PLD5: variants seen among roughly 807,000 people sequenced by gnomAD.
PLD5 encodes the protein phospholipase D family member 5, also known as inactive phospholipase D5.
A neutral mutation model predicts 61.1 loss-of-function variants in PLD5; 36 were observed. That is an observed-to-expected ratio of 0.59 (90% CI 0.45 to 0.78). The LOEUF (loss-of-function observed/expected upper bound fraction) is 0.78, where lower values mean the gene tolerates loss of function less well. Among genes scored for constraint, PLD5 ranks in the 30% least tolerant of loss-of-function variants. PLD5 has a pLI of 0.00. For synonymous variants in PLD5, 243 were observed against 242.8 expected, an observed-to-expected ratio of 1.00 and a Z score of -0.01; for missense variants, 515 against 644.4, an observed-to-expected ratio of 0.80 and a Z score of 2.17.
chr1:242,515,199 CGTGTGT>C (rs139035471), intron 1 of PLD5, among the ~76,000 whole-genome samples: 3 of 149,046 alleles, frequency 2.0e-5, no homozygotes, highest in Non-Finnish European at 4.5e-5. Context: ...TTTGTGTGTG[CGTGTGT>C]GTGTGTGTGT....
intron 1 of PLD5, among the ~76,000 whole-genome samples, chr1:242,446,326 T>C (rs955011972): frequency 2.0e-5 from 3 of 152,014 alleles, no homozygotes; most frequent in Non-Finnish European, 2.9e-5. Flanking sequence ...TCCCAGCACT[T>C]TGGGAGGCTG....
chr1:242,118,512 C>T (rs1208036743), intron 6 of PLD5, among the ~76,000 whole-genome samples: 2 of 152,232 alleles, frequency 1.3e-5, no homozygotes, highest in African/African-American at 4.8e-5. Context: ...TTGTGTATCT[C>T]TGGCATCTTG....
intron 1 of PLD5, among the ~76,000 whole-genome samples, chr1:242,483,829 T>C (rs1379205043): frequency 1.3e-5 from 2 of 152,198 alleles, no homozygotes; most frequent in East Asian, 3.9e-4. Flanking sequence ...CCTTAGCAAA[T>C]GTAAAAGAAC....
chr1:242,154,087 G>A (rs563975366), intron 5 of PLD5, among the ~76,000 whole-genome samples: 2 of 152,196 alleles, frequency 1.3e-5, no homozygotes, highest in Admixed American at 1.3e-4. Flanking sequence ...TGTATTCCCA[G>A]GTATTTAATT....
At chr1:242,116,881 C>T (rs1396097315) in intron 6 of PLD5, among the ~76,000 whole-genome samples, 5 of 152,106 alleles carry the variant, frequency 3.3e-5, no homozygotes, top group Non-Finnish European at 5.9e-5. Flanking sequence ...GGTAGTCCTA[C>T]ACTCCTCTGT....
Position 242,288,989 on chromosome 1 carries a change from CAAT to C in PLD5, c.327-462_327-460del, listed in dbSNP as rs748731262. 2.6e-3 allele frequency among the ~76,000 whole-genome samples: 389 copies of C among 152,220 alleles called. 1 individual carries two copies. Among genetic ancestry groups the C allele is most frequent in the Non-Finnish European group, 2.9e-3 (195 of 68,008 alleles). On this transcript the variant is annotated intron_variant, in intron 2 of 9. Transcript: ENST00000536534. Reference sequence around the variant, plus strand: ...ACAATGTGGGGCATACATTGGAACTCAATAAATGCAGTAATTATTGCTGAGCAT... The same window carrying C: ...ACAATGTGGGGCATACATTGGAACTCAAATGCAGTAATTATTGCTGAGCAT...
chr1:242,163,260 C>G (rs1458204298), intron 5 of PLD5, among the ~76,000 whole-genome samples: 1 of 151,740 alleles, frequency 6.6e-6, no homozygotes, highest in African/African-American at 2.4e-5. Flanking sequence ...TCTCCTGCCT[C>G]AGCCTCCCGA....
At chr1:242,443,755 A>G (rs558021692) in intron 1 of PLD5, among the ~76,000 whole-genome samples, 1 of 152,200 alleles carries the variant, frequency 6.6e-6, no homozygotes, top group East Asian at 1.9e-4. Context: ...GGCTATCAAC[A>G]TGAACCACAC....
chr1:242,275,500 C>A (rs990830399), intron 3 of PLD5, among the ~76,000 whole-genome samples: 5 of 152,038 alleles, frequency 3.3e-5, no homozygotes, highest in African/African-American at 1.2e-4. Flanking sequence ...TCTCAAATGA[C>A]CTTGGATAAA....
At chr1:242,260,219 C>A (rs1005985027) in intron 4 of PLD5, among the ~76,000 whole-genome samples, 1 of 151,892 alleles carries the variant, frequency 6.6e-6, no homozygotes, top group Non-Finnish European at 1.5e-5. Context: ...TGGTGTCATG[C>A]ACCTATAATC....
At chr1:242,514,279 A>G (rs564288411) in intron 1 of PLD5, among the ~76,000 whole-genome samples, 3 of 152,310 alleles carry the variant, frequency 2.0e-5, no homozygotes, top group African/African-American at 7.2e-5. Context: ...GGCTGTCCAG[A>G]TTCTGCTCAA....
intron 5 of PLD5, among the ~76,000 whole-genome samples, chr1:242,172,664 C>A (rs1459215813): frequency 6.6e-6 from 1 of 151,938 alleles, no homozygotes; most frequent in South Asian, 2.1e-4. Context: ...AGAGAAGAAT[C>A]AAATAGACAC....
At chr1:242,137,094 G>C (rs970435136) in intron 5 of PLD5, among the ~76,000 whole-genome samples, 2 of 152,168 alleles carry the variant, frequency 1.3e-5, no homozygotes, top group Non-Finnish European at 2.9e-5. Flanking sequence ...AAGGAGATAA[G>C]CTACAAATCT....
At chr1:242,090,150 C>T (rs759618191) in intron 9 of PLD5, 40 bp from the exon 10 acceptor site, 1 of 1,607,160 alleles carries the variant, frequency 6.2e-7, no homozygotes, top group South Asian at 1.1e-5. Flanking sequence ...GAGTTAGAGT[C>T]CACTGGGAAC....
At chr1:242,207,884 A>ATTTATATATTTTTATATATATT (rs1558344353) in intron 5 of PLD5, among the ~76,000 whole-genome samples, 1 of 28,622 alleles carries the variant, frequency 3.5e-5, no homozygotes, top group African/African-American at 1.5e-4. Flanking sequence ...ATATTTATAT[A>ATTTATATATTTTTATATATATT]TTTATATATA....
chr1:242,438,290 GTCTC>G (rs1359893146), intron 1 of PLD5, among the ~76,000 whole-genome samples: 4 of 149,906 alleles, frequency 2.7e-5, no homozygotes, highest in South Asian at 2.1e-4. Context: ...TTGAGATGGA[GTCTC>G]TCTCTGTTGC....
chr1:242,355,744 A>T (rs2149229634), intron 1 of PLD5, among the ~76,000 whole-genome samples: 1 of 152,042 alleles, frequency 6.6e-6, no homozygotes, highest in Admixed American at 6.6e-5. Context: ...CTACAGACTC[A>T]CCCCTCAGAA....
At chr1:242,370,436 TG>T (rs1356597311) in intron 1 of PLD5, among the ~76,000 whole-genome samples, 1 of 151,642 alleles carries the variant, frequency 6.6e-6, no homozygotes, top group African/African-American at 2.4e-5. Context: ...GAAAGAGAGA[TG>T]CAGAGAGAGA....
At chr1:242,166,591 A>T (rs1338186389) in intron 5 of PLD5, among the ~76,000 whole-genome samples, 1 of 152,254 alleles carries the variant, frequency 6.6e-6, no homozygotes, top group Non-Finnish European at 1.5e-5. Context: ...TTAAAAGTGA[A>T]TATGTCAAGG....
Sources: gnomAD v4.1 joint callset for allele counts (sites outside exome capture counted in the v4.1 genomes callset) on GRCh38, gnomAD v4.1.1 for gene constraint, MANE v1.5 for transcripts, NCBI Gene and HGNC (gene_info 2026-07-23, HGNC 2026-07-21) for gene names.